Variants in TOX3 observed in about 807,000 individuals in gnomAD.
The protein encoded by TOX3 is CAG trinucleotide repeat-containing gene F9 protein.
Under a neutral mutation model 64.3 loss-of-function variants are expected in TOX3, and 22 were observed. The ratio of observed to expected loss-of-function variants is 0.34; its 90% CI spans 0.24 to 0.49. TOX3 has a LOEUF of 0.49. TOX3 is among the 20% of genes least tolerant of loss of function. The pLI, the probability that TOX3 is intolerant of heterozygous loss-of-function variation, is 0.99. For synonymous variants in TOX3, 291 were observed against 273.6 expected (o/e 1.06, Z -0.63); for missense variants, 661 against 714.4 (o/e 0.93, Z 0.85).
intron 1 of TOX3, among the ~76,000 whole-genome samples, chr16:52,526,482 C>CT (rs775354086): frequency 7.4e-6 from 1 of 135,636 alleles, no homozygotes; most frequent in Admixed American, 8.0e-5. Flanking sequence ...CTCCCCCAAT[C>CT]TTTTTTGTGA....
chr16:52,484,928 T>G (rs1961469336), intron 1 of TOX3, among the ~76,000 whole-genome samples: 1 of 151,894 alleles, frequency 6.6e-6, no homozygotes, highest in Non-Finnish European at 1.5e-5. Context: ...GACATAAAAA[T>G]GACATCTATA....
rs949337795 is a variant in TOX3, at chr16:52,439,461, G to T, written c.1495C>A (p.Gln499Lys). Residue 499 changes from glutamine (Q) to lysine (K), a missense_variant, in exon 7 of 7, where the codon CAG becomes AAG. Gln to Lys is a moderately conservative substitution (Grantham distance 53). Around this residue, in one of 3 missense-constraint regions of TOX3, gnomAD observed 299 missense variants for 292.1 expected, o/e 1.02. Coordinates refer to ENST00000219746, the MANE Select transcript of TOX3 (RefSeq NM_001080430.4). Reference protein sequence around the residue: ...HLQQQQQHLQQQINQQQLQQQ... With the variant: ...HLQQQQQHLQKQINQQQLQQQ... ...TGCAGCTGCTGTTGATTAATTTGCT[G>T]CTGGAGATGCTGCTGCTGCTGCTGC... 3 of 1,468,580 alleles carry T rather than the reference G, an allele frequency of 2.0e-6. No individual in the cohort carries two copies. The African/African-American group carries it at 4.2e-5, about 21-fold the overall frequency. 91.0% of individuals were successfully genotyped at this position (1,468,580 alleles called of 1,614,324 possible). A position where few individuals can be genotyped will look rare whatever the true frequency, so the allele number is the denominator to read the frequency against.
chr16:52,524,094 T>C (rs994107559), intron 1 of TOX3, among the ~76,000 whole-genome samples: 2 of 152,228 alleles, frequency 1.3e-5, no homozygotes, highest in Non-Finnish European at 2.9e-5. Flanking sequence ...TCGTCTTTTA[T>C]GGAGTATAGA....
intron 6 of TOX3, among the ~76,000 whole-genome samples, chr16:52,442,376 TCTC>T (rs1325942388): frequency 6.6e-6 from 1 of 152,154 alleles, no homozygotes; most frequent in African/African-American, 2.4e-5. Context: ...TTGGATGAGT[TCTC>T]CTCTCTTGGG....
At chr16:52,457,335 G>T (rs1188353251) in intron 3 of TOX3, among the ~76,000 whole-genome samples, 1 of 152,074 alleles carries the variant, frequency 6.6e-6, no homozygotes, top group African/African-American at 2.4e-5. Context: ...CACTTGGGTT[G>T]ATTTCATCAT....
chr16:52,451,840 T>C (rs574534062), intron 3 of TOX3, among the ~76,000 whole-genome samples: 1 of 152,332 alleles, frequency 6.6e-6, no homozygotes, highest in East Asian at 1.9e-4. Flanking sequence ...TTTATGTGCA[T>C]TGACCTAGGG....
intron 1 of TOX3, among the ~76,000 whole-genome samples, chr16:52,529,366 T>C (rs1962799190): frequency 6.6e-6 from 1 of 152,204 alleles, no homozygotes; most frequent in Admixed American, 6.5e-5. Flanking sequence ...TTTATTTTTT[T>C]TTAAATGTGG....
At position 52,546,815 on chromosome 16, in the gene TOX3, C is replaced by A; in HGVS notation, c.-92G>T. ...CCGCCGCTAGATCCACCGTCGAGGGCGCCCGGGGGTGGCGCGTGGGACTCG... is the reference window on the plus strand; with the variant it reads ...CCGCCGCTAGATCCACCGTCGAGGGAGCCCGGGGGTGGCGCGTGGGACTCG... On this transcript the variant is annotated 5_prime_UTR_variant, in exon 1 of 7. Transcript: ENST00000219746. 7.7e-7 allele frequency: 1 copy of A among 1,295,350 alleles called. No individual in the cohort carries two copies. The highest frequency in any genetic ancestry group is 9.8e-7 in the Non-Finnish European group (1 of 1,022,722). The allele number at this position is 1,295,350 out of a possible 1,614,324, so 80.2% of individuals were successfully genotyped here.
chr16:52,460,628 C>A (rs748489498), intron 3 of TOX3, among the ~76,000 whole-genome samples: 8 of 152,124 alleles, frequency 5.3e-5, no homozygotes, highest in Admixed American at 1.3e-4. Context: ...CAGTCCCCTG[C>A]ACATACTCCT....
chr16:52,480,167 C>G (rs1344006639), intron 1 of TOX3, among the ~76,000 whole-genome samples: 1 of 152,176 alleles, frequency 6.6e-6, no homozygotes, highest in African/African-American at 2.4e-5. Flanking sequence ...AGGATCAACC[C>G]CAGGGAGGCT....
In TOX3 at chr16:52,523,148, A is replaced by T. The variant is rs76498592; in HGVS notation, c.87+23489T>A. On this transcript the variant is annotated intron_variant, in intron 1 of 6. Coordinates refer to ENST00000219746, the MANE Select transcript of TOX3 (RefSeq NM_001080430.4). ...GGTGCCCATCAAAGTCCTCCCTGAG[A>T]AAAGGGACATCTGAGGAAAGACTTG... Among the ~76,000 whole-genome samples, 78 of 152,330 alleles carry T rather than the reference A, an allele frequency of 5.1e-4. 1 individual carries two copies. In the East Asian group the frequency reaches 0.011, roughly 21 times the overall value.
chr16:52,472,410 A>G (rs771122552), intron 1 of TOX3, among the ~76,000 whole-genome samples: 1 of 152,212 alleles, frequency 6.6e-6, no homozygotes, highest in Non-Finnish European at 1.5e-5. Flanking sequence ...CTTTATTGAC[A>G]ATATTATTTT....
At chr16:52,547,199 T>G, upstream of TOX3, among the ~76,000 whole-genome samples, 3 of 22,220 alleles carry the variant, frequency 1.4e-4, no homozygotes, top group South Asian at 1.2e-3. Flanking sequence ...GCCGGTCCCC[T>G]CCCCGCGCCG....
At chr16:52,493,519 A>G (rs1181029873) in intron 1 of TOX3, among the ~76,000 whole-genome samples, 2 of 152,226 alleles carry the variant, frequency 1.3e-5, no homozygotes, top group African/African-American at 4.8e-5. Context: ...TATCATCTGA[A>G]GAGAATTACT....
intron 1 of TOX3, among the ~76,000 whole-genome samples, chr16:52,480,178 T>G (rs1191059719): frequency 1.3e-5 from 2 of 152,210 alleles, no homozygotes; most frequent in Non-Finnish European, 2.9e-5. Flanking sequence ...CAGGGAGGCT[T>G]GCACTTGGCA....
At chr16:52,443,221 A>G (rs745726238) in intron 6 of TOX3, among the ~76,000 whole-genome samples, 2 of 152,190 alleles carry the variant, frequency 1.3e-5, no homozygotes, top group African/African-American at 2.4e-5. Context: ...TTTTCTGCCA[A>G]TGTGCAAGTC....
At chr16:52,524,461 C>T (rs1490522714) in intron 1 of TOX3, among the ~76,000 whole-genome samples, 2 of 152,200 alleles carry the variant, frequency 1.3e-5, no homozygotes, top group East Asian at 3.8e-4. Context: ...GCAGTAAATG[C>T]AAATGATTTC....
chr16:52,498,874 T>C (rs986685021), intron 1 of TOX3, among the ~76,000 whole-genome samples: 1 of 152,206 alleles, frequency 6.6e-6, no homozygotes, highest in Admixed American at 6.5e-5. Context: ...AAATGAAGGA[T>C]GTACGCGGGG....
intron 1 of TOX3, among the ~76,000 whole-genome samples, chr16:52,490,087 T>G (rs1026311482): frequency 1.8e-4 from 28 of 152,278 alleles, no homozygotes; most frequent in African/African-American, 6.7e-4. Context: ...GATGTGATTT[T>G]TTAACGCAGT....
Sources: allele counts gnomAD v4.1 joint callset (sites outside exome capture counted in the v4.1 genomes callset), GRCh38; gene constraint gnomAD v4.1.1; regional missense constraint gnomAD v4.1.1; transcripts MANE v1.5; gene names NCBI Gene and HGNC (gene_info 2026-07-23, HGNC 2026-07-21).